Variants in INSYN2A observed in about 807,000 individuals in gnomAD.
The protein encoded by INSYN2A is inhibitory synaptic factor 2A.
In INSYN2A, 17 loss-of-function variants were observed where a neutral mutation model predicts 39.4. That is an observed-to-expected ratio of 0.43 (90% CI 0.30 to 0.65). The LOEUF is 0.65. Ranked by LOEUF, INSYN2A falls within the 30% of genes least tolerant of loss-of-function variation. The pLI, the probability that INSYN2A is intolerant of heterozygous loss-of-function variation, is 0.14. For synonymous variants in INSYN2A, 255 were observed against 265.7 expected (o/e 0.96, Z 0.39); for missense variants, 595 against 631.2 (o/e 0.94, Z 0.61).
Position 127,175,373 on chromosome 10 carries a change from A to G in INSYN2A, c.1023T>C (p.Ala341=). Residue 341 remains alanine (A), a synonymous_variant, in exon 4 of 6, where the codon GCT becomes GCC. Coordinates refer to ENST00000522781, the MANE Select transcript of INSYN2A (RefSeq NM_001039762.3). This position sits in a 1 kb window ranked among gnomAD's most constrained non-coding sequence, Gnocchi z 6.3. ...LGNQPSPTAV[A]AGEECQRIVP... ...CGATTCGTTGGCATTCTTCACCTGC[A>G]GCAACCGCTGTGGGACTAGGCTGGT... 6.2e-7 allele frequency: 1 copy of G among 1,614,060 alleles called. No individual in the cohort carries two copies. The highest frequency in any genetic ancestry group is 1.1e-5 in the South Asian group (1 of 91,084).
intron 5 of INSYN2A, among the ~76,000 whole-genome samples, chr10:127,140,495 C>T (rs772348774): frequency 2.6e-5 from 4 of 152,154 alleles, no homozygotes; most frequent in Non-Finnish European, 4.4e-5. Flanking sequence ...AGTGGATCTG[C>T]GTGTGGGATG....
At chr10:127,157,384 G>A (rs1469560453) in intron 4 of INSYN2A, among the ~76,000 whole-genome samples, 2 of 152,250 alleles carry the variant, frequency 1.3e-5, no homozygotes, top group African/African-American at 4.8e-5. Context: ...ATGAGGACAT[G>A]TGTATAAAAT....
intron 4 of INSYN2A, among the ~76,000 whole-genome samples, chr10:127,167,567 C>T (rs1010131113): frequency 6.6e-6 from 1 of 152,100 alleles, no homozygotes; most frequent in East Asian, 1.9e-4. Flanking sequence ...TGTTCTCAGA[C>T]ATCTCTATAG....
intron 4 of INSYN2A, among the ~76,000 whole-genome samples, chr10:127,156,591 A>G (rs2483846): frequency 0.98 from 120,460 of 123,160 alleles, 58,906 homozygotes; most frequent in East Asian, 0.99. Context: ...TTTTGAGACC[A>G]AGTTTCGCTC....
chr10:127,147,711 A>AT, intron 5 of INSYN2A, among the ~76,000 whole-genome samples: 1 of 152,028 alleles, frequency 6.6e-6, no homozygotes, highest in Admixed American at 6.6e-5. Context: ...GGGCTAAGGC[A>AT]TTTTTATCAA....
At chr10:127,160,737 T>TA (rs1413621156) in intron 4 of INSYN2A, among the ~76,000 whole-genome samples, 1 of 152,326 alleles carries the variant, frequency 6.6e-6, no homozygotes, top group East Asian at 1.9e-4. Flanking sequence ...GTTGCAGATA[T>TA]AAAAAAGGCA....
At chr10:127,157,838 A>G (rs2053230847) in intron 4 of INSYN2A, among the ~76,000 whole-genome samples, 1 of 152,228 alleles carries the variant, frequency 6.6e-6, no homozygotes, top group Admixed American at 6.5e-5. Flanking sequence ...GAGTCCATGA[A>G]TGTCAGCAGG....
In INSYN2A at chr10:127,176,462, C is replaced by T. The variant is rs762071549; in HGVS notation, c.-5-62G>A. On this transcript the variant is annotated intron_variant, in intron 3 of 5. Coordinates refer to ENST00000522781, the MANE Select transcript of INSYN2A (RefSeq NM_001039762.3). This position sits in a 1 kb window ranked among gnomAD's most constrained non-coding sequence, Gnocchi z 4.4. ...CAGAAATACACACTCAAGCACCGGC[C>T]GCACAAACTTTTAGCCACCACGACG... The T allele has an allele frequency of 2.3e-5, 32 of 1,386,150 alleles. No individual in the cohort carries two copies. The South Asian group carries it at 3.1e-4, about 14-fold the overall frequency. The allele number at this position is 1,386,150 out of a possible 1,614,324, so 85.9% of individuals were successfully genotyped here.
At chr10:127,168,629 T>A (rs1244849648) in intron 4 of INSYN2A, among the ~76,000 whole-genome samples, 2 of 152,212 alleles carry the variant, frequency 1.3e-5, no homozygotes, top group Admixed American at 6.5e-5. Context: ...AAGACTTTGA[T>A]CTCTATTAAG....
chr10:127,142,714 A>G (rs2051385310), intron 5 of INSYN2A, among the ~76,000 whole-genome samples: 1 of 152,066 alleles, frequency 6.6e-6, no homozygotes, highest in African/African-American at 2.4e-5. Context: ...CTGCACCTCC[A>G]TTCTCCCTCC....
At chr10:127,146,162 GT>G in intron 5 of INSYN2A, 1 of 394,038 alleles carries the variant, frequency 2.5e-6, no homozygotes, top group Non-Finnish European at 5.0e-6. Flanking sequence ...CCCTCATGCT[GT>G]TTTGGACATT....
At position 127,136,951 on chromosome 10, in the gene INSYN2A, G is replaced by A. The variant is rs191269119; in HGVS notation, c.*886C>T. The A allele has an allele frequency of 2.7e-3, 408 of 152,728 alleles. 1 individual carries two copies. The highest frequency in any genetic ancestry group is 4.0e-3 in the Non-Finnish European group (271 of 68,034). 9.5% of individuals were successfully genotyped at this position (152,728 alleles called of 1,614,324 possible). ...CTGTCTGCCATGGCACAGAATGCCT[G>A]TGATTTATTGGTGGGTGGATTATCC... On this transcript the variant is annotated 3_prime_UTR_variant, in exon 6 of 6. Transcript: ENST00000522781.
At chr10:127,173,995 C>A (rs896293255) in intron 4 of INSYN2A, among the ~76,000 whole-genome samples, 1 of 152,232 alleles carries the variant, frequency 6.6e-6, no homozygotes, top group African/African-American at 2.4e-5. Context: ...CCAGCCTCTC[C>A]ACTGCTGGAG....
chr10:127,162,875 C>T (rs74158629), intron 4 of INSYN2A, among the ~76,000 whole-genome samples: 2,170 of 152,212 alleles, frequency 0.014, 57 homozygotes, highest in African/African-American at 0.05. Context: ...GGTCTCGCCC[C>T]CAGACACTTA....
intron 2 of INSYN2A, among the ~76,000 whole-genome samples, chr10:127,190,927 C>A (rs781350281): frequency 6.6e-6 from 1 of 151,972 alleles, no homozygotes; most frequent in Non-Finnish European, 1.5e-5. Context: ...CTAGTTATAC[C>A]GCCTTAATCT....
At chr10:127,189,466 C>A (rs2056558725) in intron 2 of INSYN2A, among the ~76,000 whole-genome samples, 1 of 152,070 alleles carries the variant, frequency 6.6e-6, no homozygotes, top group African/African-American at 2.4e-5. Context: ...GTGTTTTTGC[C>A]ACATGGACAA....
chr10:127,173,742 C>T lies in INSYN2A; in HGVS notation c.1184+1470G>A, dbSNP rs60003941. On this transcript the variant is annotated intron_variant, in intron 4 of 5. Transcript: ENST00000522781. ...TGATCAGTAAATCACTGGTCTCCCC[C>T]ACCCCACGCCTGATGAGTGTTGCTT... Among the ~76,000 whole-genome samples the T allele has an allele frequency of 4.6e-3, 701 of 152,284 alleles. 5 individuals are homozygous for T. Among genetic ancestry groups the T allele is most frequent in the African/African-American group, 0.016 (652 of 41,564 alleles).
chr10:127,143,712 T>C (rs951078), intron 5 of INSYN2A, among the ~76,000 whole-genome samples: 124,019 of 152,104 alleles, frequency 0.82, 51,503 homozygotes, highest in South Asian at 0.92. Context: ...AGTTGGGATC[T>C]GGATCCCAGG....
Position 127,136,139 on chromosome 10 carries a change from C to A in INSYN2A, c.*1698G>T, listed in dbSNP as rs993948849. 5.9e-5 allele frequency: 9 copies of A among 152,160 alleles called. No homozygotes were observed. Among genetic ancestry groups the A allele is most frequent in the Admixed American group, 4.6e-4 (7 of 15,238 alleles). The allele number at this position is 152,160 out of a possible 1,614,324, so 9.4% of individuals were successfully genotyped here. ...GTGTGTTTTAAATTAAAGCATACAA[C>A]TGCAGTGTTGTTTGGCCCCCGAAGA... On this transcript the variant is annotated 3_prime_UTR_variant, in exon 6 of 6. Coordinates refer to ENST00000522781, the MANE Select transcript of INSYN2A (RefSeq NM_001039762.3).
Sources: gnomAD v4.1 joint callset for allele counts (sites outside exome capture counted in the v4.1 genomes callset) on GRCh38, gnomAD v4.1.1 for gene constraint, Gnocchi (gnomAD v3.1) non-coding constraint, MANE v1.5 for transcripts, NCBI Gene and HGNC (gene_info 2026-07-23, HGNC 2026-07-21) for gene names.